The following SCAMP1 variants were observed in gnomAD, a reference collection of about 807,000 sequenced individuals.
The protein encoded by SCAMP1 is secretory carrier membrane protein 1.
Under a neutral mutation model 41.8 loss-of-function variants are expected in SCAMP1, and 15 were observed. That is an observed-to-expected ratio of 0.36 (90% CI 0.24 to 0.55). SCAMP1 has a LOEUF of 0.55. Ranked by LOEUF, SCAMP1 falls within the 20% of genes least tolerant of loss-of-function variation. SCAMP1 has a pLI of 0.86. For synonymous variants in SCAMP1, 135 were observed against 136.8 expected (o/e 0.99, Z 0.09); for missense variants, 341 against 412.6 (o/e 0.83, Z 1.50).
chr5:78,469,230 A>G (rs973998354), intron 8 of SCAMP1, among the ~76,000 whole-genome samples: 9 of 152,080 alleles, frequency 5.9e-5, no homozygotes, highest in Non-Finnish European at 1.0e-4. Flanking sequence ...CCACTGTACT[A>G]TTTTTCTATA....
intron 8 of SCAMP1, among the ~76,000 whole-genome samples, chr5:78,473,457 G>A (rs1188806548): frequency 2.0e-5 from 3 of 152,036 alleles, no homozygotes; most frequent in Non-Finnish European, 2.9e-5. Flanking sequence ...CTCTTAAATA[G>A]TGTCTTTTTA....
chr5:78,430,475 C>G (rs1752592732), intron 6 of SCAMP1, among the ~76,000 whole-genome samples: 1 of 151,564 alleles, frequency 6.6e-6, no homozygotes, highest in South Asian at 2.1e-4. Context: ...TATGGTTCAT[C>G]CTTTCTGTTT....
intron 1 of SCAMP1, among the ~76,000 whole-genome samples, chr5:78,377,856 C>T (rs1751105378): frequency 6.6e-6 from 1 of 152,066 alleles, no homozygotes. Flanking sequence ...TTATATGATA[C>T]ATTTTACTGA....
chr5:78,431,534 C>CTTTTTTTTTTTTTTTT (rs11380148), intron 6 of SCAMP1, among the ~76,000 whole-genome samples: 1 of 121,264 alleles, frequency 8.2e-6, no homozygotes, highest in African/African-American at 3.2e-5. Flanking sequence ...TTCTTTTTGC[C>CTTTTTTTTTTTTTTTT]TTTTTTTTTT....
chr5:78,422,989 A>C lies in SCAMP1; in HGVS notation c.632+1029A>C, dbSNP rs183341752. On this transcript the variant is annotated intron_variant, in intron 6 of 8. Coordinates refer to ENST00000621999, the MANE Select transcript of SCAMP1 (RefSeq NM_004866.6). ...TTGCAACCTAAAATCTCTTTAGTTA[A>C]CCAGAATGTGTAACACACGCGCGCG... 9.9e-5 allele frequency among the ~76,000 whole-genome samples: 15 copies of C among 152,092 alleles called. No homozygotes were observed. In the East Asian group the frequency reaches 2.9e-3, roughly 29 times the overall value.
At chr5:78,379,786 C>T (rs918407212) in intron 1 of SCAMP1, among the ~76,000 whole-genome samples, 1 of 152,176 alleles carries the variant, frequency 6.6e-6, no homozygotes, top group African/African-American at 2.4e-5. Context: ...ACTCGTACTT[C>T]TGTGGCACTG....
chr5:78,437,918 G>C (rs9765750), intron 6 of SCAMP1, among the ~76,000 whole-genome samples: 72,179 of 151,926 alleles, frequency 0.48, 17,996 homozygotes, highest in African/African-American at 0.51. Context: ...TTCAGAGATT[G>C]AACTTCTTCC....
chr5:78,418,855 C>G lies in SCAMP1; in HGVS notation c.424C>G (p.Pro142Ala). 4.4e-6 allele frequency: 7 copies of G among 1,581,568 alleles called. No homozygotes were observed. Among genetic ancestry groups the G allele is most frequent in the Non-Finnish European group, 6.0e-6 (7 of 1,162,356 alleles). Reference sequence around the variant, plus strand: ...CTATCAGGATTTTTCTGTAGACATTCCTGTAGAATTCCAAAAGACAGTAAA... The same window carrying G: ...CTATCAGGATTTTTCTGTAGACATTGCTGTAGAATTCCAAAAGACAGTAAA... The part of the protein sequence containing the change: ...CFYQDFSVDI[P>A]VEFQKTVKLM... The change falls in exon 5 of 9, where the codon CCT becomes GCT. Residue 142 changes from proline to alanine, a missense_variant. Physicochemically the swap from Pro to Ala is conservative, Grantham distance 27. Transcript: ENST00000621999.
intron 1 of SCAMP1, among the ~76,000 whole-genome samples, chr5:78,370,091 A>G (rs890261821): frequency 2.6e-5 from 4 of 152,190 alleles, no homozygotes; most frequent in Non-Finnish European, 5.9e-5. Context: ...CTTTCTGTAT[A>G]TATCTTTAAA....
At chr5:78,428,536 A>C (rs1346146126) in intron 6 of SCAMP1, among the ~76,000 whole-genome samples, 1 of 152,140 alleles carries the variant, frequency 6.6e-6, no homozygotes, top group African/African-American at 2.4e-5. Flanking sequence ...GTTGCTTTAT[A>C]GTTAGTCAGT....
chr5:78,379,184 T>C (rs888036697), intron 1 of SCAMP1, among the ~76,000 whole-genome samples: 1 of 152,240 alleles, frequency 6.6e-6, no homozygotes, highest in Non-Finnish European at 1.5e-5. Flanking sequence ...TGACCTTGTT[T>C]AAGGCCACAG....
At chr5:78,383,488 G>C (rs10942849) in intron 1 of SCAMP1, among the ~76,000 whole-genome samples, 41,386 of 151,894 alleles carry the variant, frequency 0.27, 5,935 homozygotes, top group East Asian at 0.54. Context: ...TTGGGTTCTT[G>C]GTCATAAAGT....
At chr5:78,470,500 A>G (rs1440162814) in intron 8 of SCAMP1, among the ~76,000 whole-genome samples, 1 of 152,206 alleles carries the variant, frequency 6.6e-6, no homozygotes, top group Non-Finnish European at 1.5e-5. Context: ...TCAGAAATGC[A>G]TTCATTTTTA....
chr5:78,421,713 G>C (rs1045983430), intron 5 of SCAMP1, 88 bp from the exon 6 acceptor site: 3 of 1,129,034 alleles, frequency 2.7e-6, no homozygotes, highest in Non-Finnish European at 3.9e-6. Context: ...CTCTTAGGAA[G>C]TATTTTTTTA....
At chr5:78,431,858 A>G (rs967583709) in intron 6 of SCAMP1, among the ~76,000 whole-genome samples, 2 of 152,088 alleles carry the variant, frequency 1.3e-5, no homozygotes, top group Admixed American at 6.6e-5. Context: ...GGAGGTGTGT[A>G]TATTTATAGG....
At chr5:78,469,600 C>T (rs2112250280) in intron 8 of SCAMP1, among the ~76,000 whole-genome samples, 1 of 152,038 alleles carries the variant, frequency 6.6e-6, no homozygotes, top group Admixed American at 6.6e-5. Context: ...TAGGCATCTT[C>T]AAATTTGGTA....
intron 2 of SCAMP1, among the ~76,000 whole-genome samples, chr5:78,391,385 C>T (rs1175228321): frequency 1.7e-4 from 25 of 151,170 alleles, no homozygotes; most frequent in Middle Eastern, 3.4e-3. Flanking sequence ...ACCTCCCGGA[C>T]GGGGCGGCTG....
At position 78,476,352 on chromosome 5, in the gene SCAMP1, A is replaced by G. The variant is rs1754004543; in HGVS notation, c.*684A>G. 2 of 152,260 alleles carry G rather than the reference A, an allele frequency of 1.3e-5. No homozygotes were observed. Among genetic ancestry groups the G allele is most frequent in the Admixed American group, 1.3e-4 (2 of 15,266 alleles). 9.4% of individuals were successfully genotyped at this position (152,260 alleles called of 1,614,324 possible). A position where few individuals can be genotyped will look rare whatever the true frequency, so the allele number is the denominator to read the frequency against. On this transcript the variant is annotated 3_prime_UTR_variant, in exon 9 of 9. Coordinates refer to ENST00000621999, the MANE Select transcript of SCAMP1 (RefSeq NM_004866.6). ...GATTCAGGGGTTAATGGAATCACAG[A>G]AATGATATTCTGCAAGAATTTCTTT...
At chr5:78,445,817 AT>A (rs1274427281) in intron 6 of SCAMP1, among the ~76,000 whole-genome samples, 1 of 152,162 alleles carries the variant, frequency 6.6e-6, no homozygotes, top group East Asian at 1.9e-4. Flanking sequence ...CTGATTTTGC[AT>A]TTGCAGTAAT....
Sources: allele counts gnomAD v4.1 joint callset (sites outside exome capture counted in the v4.1 genomes callset), GRCh38; gene constraint gnomAD v4.1.1; transcripts MANE v1.5; gene names NCBI Gene and HGNC (gene_info 2026-07-23, HGNC 2026-07-21).